The following DSCAM variants were observed in gnomAD, a reference collection of about 807,000 sequenced individuals.
DSCAM encodes DS cell adhesion molecule.
DSCAM carries 47 observed loss-of-function variants against 217.7 expected under a neutral mutation model. The ratio of observed to expected loss-of-function variants is 0.22; its 90% CI spans 0.17 to 0.28. The LOEUF is 0.28. Among genes scored for constraint, DSCAM ranks in the 10% least tolerant of loss-of-function variants. The probability of loss-of-function intolerance (pLI) is 1.00; values close to 1 mark genes in which losing one functional copy is unlikely to be tolerated. For synonymous variants in DSCAM, 1,056 were observed against 1,015.3 expected, an observed-to-expected ratio of 1.04 and a Z score of -0.76; for missense variants, 2,080 against 2,618.3, an observed-to-expected ratio of 0.79 and a Z score of 4.49.
chr21:40,357,735 T>C (rs916285389), intron 4 of DSCAM, among the ~76,000 whole-genome samples: 1 of 151,736 alleles, frequency 6.6e-6, no homozygotes, highest in Admixed American at 6.6e-5. Context: ...GGGGGAGAGA[T>C]AGCATTAGGA....
chr21:40,736,747 T>C (rs890004514), intron 1 of DSCAM, among the ~76,000 whole-genome samples: 6 of 152,214 alleles, frequency 3.9e-5, no homozygotes, highest in Non-Finnish European at 8.8e-5. Context: ...ATGTCACAGA[T>C]TGTCAAGCCC....
At chr21:40,100,084 T>G (rs2089730807) in intron 20 of DSCAM, among the ~76,000 whole-genome samples, 1 of 152,212 alleles carries the variant, frequency 6.6e-6, no homozygotes, top group African/African-American at 2.4e-5. Context: ...AGCCTGGATG[T>G]CTTGAGAGAG....
At chr21:40,672,567 T>C (rs1156299125) in intron 3 of DSCAM, among the ~76,000 whole-genome samples, 2 of 152,132 alleles carry the variant, frequency 1.3e-5, no homozygotes, top group Non-Finnish European at 2.9e-5. Context: ...GAGTAGTATA[T>C]TCAAGGAAGG....
intron 3 of DSCAM, among the ~76,000 whole-genome samples, chr21:40,558,953 C>A (rs1236090054): frequency 6.6e-6 from 1 of 152,170 alleles, no homozygotes; most frequent in African/African-American, 2.4e-5. Context: ...GTGCATAAAA[C>A]AGTGCCCGAT....
At chr21:40,103,634 A>T (rs1212795321) in intron 20 of DSCAM, among the ~76,000 whole-genome samples, 1 of 152,016 alleles carries the variant, frequency 6.6e-6, no homozygotes, top group East Asian at 1.9e-4. Context: ...CAGCCAGGCA[A>T]TTCTGGTAGT....
chr21:40,387,127 ACAG>A (rs1158494881), intron 3 of DSCAM, among the ~76,000 whole-genome samples: 1 of 152,236 alleles, frequency 6.6e-6, no homozygotes, highest in African/African-American at 2.4e-5. Flanking sequence ...ACTTAAATGA[ACAG>A]CAGGTTTCTC....
intron 3 of DSCAM, among the ~76,000 whole-genome samples, chr21:40,421,539 T>C (rs923749506): frequency 2.0e-5 from 3 of 152,208 alleles, no homozygotes; most frequent in African/African-American, 7.2e-5. Flanking sequence ...ATACATGTGC[T>C]CTCATAGGAG....
intron 20 of DSCAM, among the ~76,000 whole-genome samples, chr21:40,102,680 A>C (rs184291890): frequency 2.0e-4 from 30 of 152,334 alleles, no homozygotes; most frequent in African/African-American, 6.5e-4. Context: ...ACAGTGAGGC[A>C]CTTTAAACAC....
chr21:40,650,566 A>G (rs1055118731), intron 3 of DSCAM, among the ~76,000 whole-genome samples: 6 of 152,216 alleles, frequency 3.9e-5, no homozygotes, highest in African/African-American at 1.2e-4. Flanking sequence ...AAGGCAGAAG[A>G]AGGAGGAGTT....
intron 3 of DSCAM, among the ~76,000 whole-genome samples, chr21:40,614,883 T>A (rs1174715878): frequency 6.6e-6 from 1 of 152,164 alleles, no homozygotes; most frequent in Non-Finnish European, 1.5e-5. Flanking sequence ...AAATTATGAC[T>A]ACCTGTGCAT....
At chr21:40,233,939 G>A (rs375457984) in intron 11 of DSCAM, among the ~76,000 whole-genome samples, 1 of 152,078 alleles carries the variant, frequency 6.6e-6, no homozygotes, top group African/African-American at 2.4e-5. Flanking sequence ...ACTCCTTCCT[G>A]CCTCGCTTTG....
At chr21:40,652,733 C>G (rs965629690) in intron 3 of DSCAM, among the ~76,000 whole-genome samples, 6 of 152,314 alleles carry the variant, frequency 3.9e-5, no homozygotes, top group Non-Finnish European at 5.9e-5. Context: ...GAGGTAACCT[C>G]TAAGCTGTTG....
At chr21:40,760,157 C>A (rs1027869727) in intron 1 of DSCAM, among the ~76,000 whole-genome samples, 1 of 151,838 alleles carries the variant, frequency 6.6e-6, no homozygotes, top group Non-Finnish European at 1.5e-5. Context: ...CCACACCCAG[C>A]TAATTTTTGA....
intron 1 of DSCAM, among the ~76,000 whole-genome samples, chr21:40,730,010 T>A (rs1244185277): frequency 6.6e-6 from 1 of 151,904 alleles, no homozygotes; most frequent in African/African-American, 2.4e-5. Flanking sequence ...CAGACTGGAG[T>A]TGAACATTCT....
chr21:40,353,342 G>A, intron 5 of DSCAM, 123 bp downstream of exon 5: 1 of 1,313,210 alleles, frequency 7.6e-7, no homozygotes, highest in Non-Finnish European at 1.0e-6. Flanking sequence ...GGTTTCTGTT[G>A]ATCTCAGCTG....
chr21:40,241,642 C>T (rs1432171119), intron 11 of DSCAM, among the ~76,000 whole-genome samples: 1 of 152,174 alleles, frequency 6.6e-6, no homozygotes, highest in Admixed American at 6.6e-5. Context: ...AATCCCATTA[C>T]TGGGTATGTA....
intron 11 of DSCAM, among the ~76,000 whole-genome samples, chr21:40,236,728 A>C (rs1198124766): frequency 6.6e-6 from 1 of 152,180 alleles, no homozygotes; most frequent in Admixed American, 6.5e-5. Context: ...TTATTAAATG[A>C]GTTAATATGG....
intron 11 of DSCAM, among the ~76,000 whole-genome samples, chr21:40,241,853 C>T (rs112960430): frequency 0.013 from 1,975 of 152,222 alleles, 42 homozygotes; most frequent in African/African-American, 0.046. Context: ...GTAGGGACAT[C>T]GATGGAGTTG....
intron 19 of DSCAM, among the ~76,000 whole-genome samples, chr21:40,130,931 G>A (rs2090148538): frequency 6.6e-6 from 1 of 152,054 alleles, no homozygotes; most frequent in Non-Finnish European, 1.5e-5. Flanking sequence ...CAGGACGTGT[G>A]TCTGGCATAG....
Sources: allele counts gnomAD v4.1 joint callset (sites outside exome capture counted in the v4.1 genomes callset), GRCh38; gene constraint gnomAD v4.1.1; transcripts MANE v1.5; gene names NCBI Gene and HGNC (gene_info 2026-07-23, HGNC 2026-07-21).